Variants in NAA25 observed in about 807,000 individuals in gnomAD.
NAA25 encodes N-alpha-acetyltransferase 25, NatB auxiliary subunit.
A neutral mutation model predicts 132.5 loss-of-function variants in NAA25; 30 were observed. That is an observed-to-expected ratio of 0.23 (90% CI 0.17 to 0.31). NAA25 has a LOEUF of 0.31. NAA25 is among the 10% of genes least tolerant of loss of function. The probability of loss-of-function intolerance (pLI) is 1.00; values close to 1 mark genes in which losing one functional copy is unlikely to be tolerated. For synonymous variants in NAA25, 359 were observed against 401.9 expected, an observed-to-expected ratio of 0.89 and a Z score of 1.28; for missense variants, 771 against 1,150.4, an observed-to-expected ratio of 0.67 and a Z score of 4.77.
chr12:112,057,509 A>G (rs2078564607), intron 13 of NAA25, among the ~76,000 whole-genome samples: 1 of 152,146 alleles, frequency 6.6e-6, no homozygotes, highest in African/African-American at 2.4e-5. Flanking sequence ...CTCAAATAAC[A>G]AGTTCTCTGA....
At chr12:112,089,455 A>C (rs938121113) in intron 3 of NAA25, among the ~76,000 whole-genome samples, 1 of 152,176 alleles carries the variant, frequency 6.6e-6, no homozygotes, top group Non-Finnish European at 1.5e-5. Flanking sequence ...AGATATTGTA[A>C]TGTAACCCAG....
chr12:112,051,311 AG>A (rs2078462016), intron 15 of NAA25, among the ~76,000 whole-genome samples: 1 of 152,154 alleles, frequency 6.6e-6, no homozygotes, highest in African/African-American at 2.4e-5. Context: ...TCCCGGGTCA[AG>A]CAATTCTCCT....
chr12:112,098,770 T>C (rs774387115), intron 1 of NAA25, among the ~76,000 whole-genome samples: 9 of 152,180 alleles, frequency 5.9e-5, no homozygotes, highest in Non-Finnish European at 1.2e-4. Context: ...AATCTCTTTC[T>C]TTCTTTTTTT....
At chr12:112,071,837 TATAG>T in intron 10 of NAA25, 54 bp downstream of exon 10, 2 of 1,232,598 alleles carry the variant, frequency 1.6e-6, no homozygotes, top group Non-Finnish European at 2.2e-6. Context: ...AACTAATGAA[TATAG>T]CACTTGGGTA....
At chr12:112,079,025 G>T (rs924820567) in intron 5 of NAA25, among the ~76,000 whole-genome samples, 1 of 152,104 alleles carries the variant, frequency 6.6e-6, no homozygotes, top group Admixed American at 6.6e-5. Context: ...TGTAAAGAGG[G>T]AGCATGCCTA....
intron 4 of NAA25, among the ~76,000 whole-genome samples, chr12:112,086,411 G>A (rs746503553): frequency 1.4e-4 from 21 of 151,684 alleles, no homozygotes; most frequent in Admixed American, 2.6e-4. Flanking sequence ...CAGGAGAATC[G>A]CTTCAACCTG....
intron 3 of NAA25, among the ~76,000 whole-genome samples, chr12:112,088,317 GTTTTTTTTTTTT>G (rs1025838850): frequency 1.9e-4 from 14 of 75,598 alleles, no homozygotes; most frequent in East Asian, 6.5e-4. Flanking sequence ...GTATATTGTA[GTTTTTTTTTTTT>G]TTTTTTTTTT....
intron 23 of NAA25, among the ~76,000 whole-genome samples, chr12:112,032,630 T>G (rs2078164941): frequency 6.6e-6 from 1 of 152,174 alleles, no homozygotes; most frequent in African/African-American, 2.4e-5. Flanking sequence ...ATCCTAAACC[T>G]ACTCCAGGCC....
chr12:112,070,857 C>T (rs1383864027), intron 10 of NAA25, among the ~76,000 whole-genome samples: 1 of 152,212 alleles, frequency 6.6e-6, no homozygotes, highest in Non-Finnish European at 1.5e-5. Context: ...AGCAATTCTC[C>T]TGCCTCAGCC....
At chr12:112,053,313 A>G (rs568788116) in intron 15 of NAA25, among the ~76,000 whole-genome samples, 1 of 152,352 alleles carries the variant, frequency 6.6e-6, no homozygotes, top group African/African-American at 2.4e-5. Context: ...AACACTTCCT[A>G]GTCAGTAAAT....
At chr12:112,092,823 G>A (rs572732004) in intron 2 of NAA25, among the ~76,000 whole-genome samples, 5 of 152,026 alleles carry the variant, frequency 3.3e-5, no homozygotes, top group East Asian at 2.0e-4. Context: ...GATTACAGGC[G>A]CACGCCACCA....
chr12:112,070,644 C>T (rs546398944), intron 10 of NAA25, among the ~76,000 whole-genome samples: 2 of 152,180 alleles, frequency 1.3e-5, no homozygotes, highest in South Asian at 4.1e-4. Context: ...GTGGCGCGAT[C>T]TTGGCTAACT....
chr12:112,058,350 A>C (rs1166038019), intron 13 of NAA25, among the ~76,000 whole-genome samples: 1 of 152,234 alleles, frequency 6.6e-6, no homozygotes, highest in Admixed American at 6.5e-5. Flanking sequence ...GATAGTAGCA[A>C]AAAAATTTTA....
intron 4 of NAA25, among the ~76,000 whole-genome samples, chr12:112,082,988 GT>G (rs2078995011): frequency 6.6e-6 from 1 of 152,270 alleles, no homozygotes; most frequent in African/African-American, 2.4e-5. Context: ...GTGTTGAAAG[GT>G]AGACCAAGGT....
chr12:112,030,187 T>C (rs2078130583), intron 23 of NAA25, among the ~76,000 whole-genome samples: 1 of 112,120 alleles, frequency 8.9e-6, no homozygotes, highest in Admixed American at 1.4e-4. Context: ...CACACCAGCC[T>C]GGGCGACAGA....
At chr12:112,059,075 C>CAAAAAAAAAAAAAAA (rs530305102) in intron 13 of NAA25, among the ~76,000 whole-genome samples, 3 of 63,236 alleles carry the variant, frequency 4.7e-5, no homozygotes, top group African/African-American at 8.8e-5. Flanking sequence ...CTCCATCTCA[C>CAAAAAAAAAAAAAAA]AAAAAAAAAA....
intron 22 of NAA25, among the ~76,000 whole-genome samples, chr12:112,038,835 C>T (rs1431800687): frequency 2.0e-5 from 3 of 151,962 alleles, no homozygotes; most frequent in Non-Finnish European, 2.9e-5. Flanking sequence ...AAAAATTAGC[C>T]GGGTGTGGTG....
At position 112,078,266 on chromosome 12, in the gene NAA25, C is replaced by A; in HGVS notation, c.586G>T (p.Val196Phe). Residue 196 changes from valine to phenylalanine, a missense_variant and splice_region_variant, in exon 7 of 24, where the codon GTT becomes TTT. Around this residue, in one of 3 missense-constraint regions of NAA25, gnomAD observed 417 missense variants for 733.8 expected, o/e 0.57. Transcript: ENST00000261745. ...TCCAGGATCATATAATAAAGTTCAACCTTACAGAAAAAAAACAAGAAGTGC... is the reference window on the plus strand; with the variant it reads ...TCCAGGATCATATAATAAAGTTCAAACTTACAGAAAAAAAACAAGAAGTGC... Reference protein sequence around the residue: ...KEDKIEAEAEVELYYMILERL... With the variant: ...KEDKIEAEAEFELYYMILERL... 6.2e-7 allele frequency: 1 copy of A among 1,601,048 alleles called. No homozygotes were observed. The highest frequency in any genetic ancestry group is 8.5e-7 in the Non-Finnish European group (1 of 1,174,916).
At chr12:112,064,474 G>A (rs369228758) in intron 11 of NAA25, among the ~76,000 whole-genome samples, 2 of 152,132 alleles carry the variant, frequency 1.3e-5, no homozygotes, top group African/African-American at 2.4e-5. Flanking sequence ...CAAGTTGCCC[G>A]TCTCATCCTC....
Sources: allele counts gnomAD v4.1 joint callset (sites outside exome capture counted in the v4.1 genomes callset), GRCh38; gene constraint gnomAD v4.1.1; regional missense constraint gnomAD v4.1.1; transcripts MANE v1.5; gene names NCBI Gene and HGNC (gene_info 2026-07-23, HGNC 2026-07-21).